DMD: variants seen among roughly 807,000 people sequenced by gnomAD.
DMD encodes mutant dystrophin.
A neutral mutation model predicts 330.1 loss-of-function variants in DMD; 63 were observed. That is an observed-to-expected ratio of 0.19 (90% CI 0.16 to 0.24). The LOEUF (loss-of-function observed/expected upper bound fraction) is 0.24. Ranked by LOEUF, DMD falls within the 10% of genes least tolerant of loss-of-function variation. The probability of loss-of-function intolerance (pLI) is 1.00; values close to 1 mark genes in which losing one functional copy is unlikely to be tolerated. For missense variants in DMD, 3,344 were observed against 2,684.1 expected (o/e 1.25, Z -5.43); for synonymous variants, 1,223 against 959.8 (o/e 1.27, Z -5.07).
At chrX:32,708,048 C>T (rs962070833) in intron 7 of DMD, among the ~76,000 whole-genome samples, 2 of 111,811 alleles carry the variant, frequency 1.8e-5, no homozygotes, top group African/African-American at 3.3e-5. Context: ...TTATCTTCCT[C>T]GCTAACATAA....
chrX:31,697,387 C>T (rs891684473), intron 52 of DMD, among the ~76,000 whole-genome samples: 2 of 110,789 alleles, frequency 1.8e-5, no homozygotes, highest in Non-Finnish European at 3.8e-5. Flanking sequence ...CACAAAGGTC[C>T]GTCATGGAAA....
chrX:32,622,290 T>A (rs939011992), intron 11 of DMD, among the ~76,000 whole-genome samples: 1 of 111,329 alleles, frequency 9.0e-6, no homozygotes, highest in African/African-American at 3.3e-5. Flanking sequence ...ACCTAAGGAT[T>A]GTGGAGGTGT....
chrX:32,698,070 T>C (rs998693920), intron 8 of DMD, 72 bp from the exon 9 acceptor site: 1 of 1,051,975 alleles, frequency 9.5e-7, no homozygotes, highest in African/African-American at 1.9e-5. Context: ...AAGGACTACT[T>C]TCCAACATGG....
intron 7 of DMD, among the ~76,000 whole-genome samples, chrX:32,807,853 A>T (rs887461577): frequency 8.9e-6 from 1 of 111,896 alleles, no homozygotes; most frequent in Non-Finnish European, 1.9e-5. Flanking sequence ...CTATTTTTAA[A>T]TCTTCTCTTA....
chrX:32,666,638 G>A (rs887465038), intron 9 of DMD, among the ~76,000 whole-genome samples: 8 of 110,254 alleles, frequency 7.3e-5, no homozygotes, highest in South Asian at 3.9e-4. Context: ...AGACCAGCAT[G>A]GCCAACATGG....
chrX:32,362,687 A>T (rs1022483446), intron 37 of DMD, 101 bp downstream of exon 37: 4 of 975,846 alleles, frequency 4.1e-6, no homozygotes, highest in Non-Finnish European at 5.8e-6. Context: ...TTTCCTTTTG[A>T]AAACCTTGCT....
chrX:32,582,765 A>G (rs808562), intron 13 of DMD, among the ~76,000 whole-genome samples: 52,970 of 110,866 alleles, frequency 0.48, 11,733 homozygotes, highest in African/African-American at 0.87. Flanking sequence ...TTATTTGACT[A>G]TAGGCTCCTG....
intron 36 of DMD, 118 bp from the exon 37 acceptor site, chrX:32,363,076 G>T (rs1274393158): frequency 1.4e-6 from 1 of 712,642 alleles, no homozygotes; most frequent in Non-Finnish European, 2.1e-6. Context: ...GAAAGAGAGA[G>T]AGAGAAAGTA....
At chrX:31,453,894 A>G (rs2065965141) in intron 59 of DMD, among the ~76,000 whole-genome samples, 1 of 110,888 alleles carries the variant, frequency 9.0e-6, no homozygotes, top group Non-Finnish European at 1.9e-5. Flanking sequence ...CAATTAACAC[A>G]AAAAGGCTTT....
intron 44 of DMD, among the ~76,000 whole-genome samples, chrX:32,007,717 T>G (rs925197257): frequency 9.0e-6 from 1 of 110,713 alleles, no homozygotes; most frequent in South Asian, 3.8e-4. Context: ...GGAGAAATCT[T>G]GTAAAGTCAA....
chrX:32,517,948 G>T (rs1414752020), intron 18 of DMD, 60 bp downstream of exon 18: 27 of 1,140,085 alleles, frequency 2.4e-5, no homozygotes, highest in Non-Finnish European at 3.2e-5. Context: ...AGATAACAAA[G>T]CACGGAGTTT....
chrX:32,597,294 TC>T lies in DMD; in HGVS notation c.1483-1419del, dbSNP rs757759572. ...AATAATTTCTTATGTATCAGCTTAGTCCTTTTGTCTCTACTTACTATAATAG... is the reference window on the plus strand; with the variant it reads ...AATAATTTCTTATGTATCAGCTTAGTCTTTTGTCTCTACTTACTATAATAG... On this transcript the variant is annotated intron_variant, in intron 12 of 78. Coordinates refer to ENST00000357033, the MANE Select transcript of DMD (RefSeq NM_004006.3). Among the ~76,000 whole-genome samples, 7 of 111,609 alleles carry T rather than the reference TC, an allele frequency of 6.3e-5. No homozygotes were observed. In the Admixed American group the frequency reaches 6.7e-4, roughly 11 times the overall value.
At chrX:32,074,850 A>ACAG (rs1283512424) in intron 44 of DMD, among the ~76,000 whole-genome samples, 3 of 105,286 alleles carry the variant, frequency 2.8e-5, no homozygotes, top group African/African-American at 6.9e-5. Context: ...AAGGGGAAAA[A>ACAG]CAGCAGCAGC....
chrX:32,228,566 C>A (rs1980152095), intron 43 of DMD, among the ~76,000 whole-genome samples: 2 of 111,721 alleles, frequency 1.8e-5, no homozygotes, highest in South Asian at 7.4e-4. Context: ...GCTACAGAAA[C>A]TGACTCAGCA....
intron 2 of DMD, among the ~76,000 whole-genome samples, chrX:32,901,593 A>T (rs1413272535): frequency 9.0e-6 from 1 of 111,411 alleles, no homozygotes; most frequent in Non-Finnish European, 1.9e-5. Context: ...CCACCTAGTC[A>T]TGTGCTAAAT....
At chrX:32,392,463 T>A (rs1040990174) in intron 30 of DMD, among the ~76,000 whole-genome samples, 10 of 111,027 alleles carry the variant, frequency 9.0e-5, no homozygotes, top group Admixed American at 5.8e-4. Context: ...TTTTACCATG[T>A]TGGTCAGGAT....
intron 4 of DMD, among the ~76,000 whole-genome samples, chrX:32,840,037 A>G (rs1366245777): frequency 1.8e-5 from 2 of 111,945 alleles, no homozygotes; most frequent in East Asian, 5.6e-4. Context: ...TCCATGTGTT[A>G]TTGTTCAGCC....
intron 1 of DMD, among the ~76,000 whole-genome samples, chrX:33,056,348 TC>T (rs1188787137): frequency 4.6e-5 from 5 of 109,114 alleles, no homozygotes; most frequent in Admixed American, 4.0e-4. Context: ...CTTTTTTTTT[TC>T]TTTTTCTTTT....
At chrX:32,117,777 A>G (rs187301629) in intron 44 of DMD, among the ~76,000 whole-genome samples, 15 of 111,571 alleles carry the variant, frequency 1.3e-4, no homozygotes, top group African/African-American at 3.6e-4. Flanking sequence ...GGTGGAGAAA[A>G]TATTTAACCA....
Sources: allele counts gnomAD v4.1 joint callset (sites outside exome capture counted in the v4.1 genomes callset), GRCh38; gene constraint gnomAD v4.1.1; transcripts MANE v1.5; gene names NCBI Gene and HGNC (gene_info 2026-07-23, HGNC 2026-07-21).